Variants in PABPC4L observed in about 807,000 individuals in gnomAD.
PABPC4L encodes the protein polyadenylate-binding protein 4-like.
For missense variants in PABPC4L, 452 were observed against 451.4 expected, an observed-to-expected ratio of 1.00 and a Z score of -0.01; for synonymous variants, 169 against 164.1, an observed-to-expected ratio of 1.03 and a Z score of -0.23.
At chr4:134,107,682 A>C in the PABPC4L span, among the ~76,000 whole-genome samples, 1 of 151,632 alleles carries the variant, frequency 6.6e-6, no homozygotes, top group African/African-American at 2.4e-5. Flanking sequence ...TTAATCAATA[A>C]TTTACCCAAG....
At chr4:134,177,482 C>A in the PABPC4L span, among the ~76,000 whole-genome samples, 1 of 152,166 alleles carries the variant, frequency 6.6e-6, no homozygotes, top group African/African-American at 2.4e-5. Context: ...CCCAGCAGTC[C>A]CACTTCTGTG....
chr4:134,116,642 G>A, the PABPC4L span, among the ~76,000 whole-genome samples: 2 of 151,428 alleles, frequency 1.3e-5, no homozygotes, highest in African/African-American at 4.8e-5. Flanking sequence ...ACTACTGTTT[G>A]GTGTGAATCA....
the PABPC4L span, among the ~76,000 whole-genome samples, chr4:134,129,706 C>G: frequency 6.6e-6 from 1 of 151,188 alleles, no homozygotes; most frequent in African/African-American, 2.4e-5. Flanking sequence ...GTGACAAAAC[C>G]TATCAAAACC....
At chr4:134,002,580 T>C in the PABPC4L span, among the ~76,000 whole-genome samples, 5 of 152,082 alleles carry the variant, frequency 3.3e-5, no homozygotes, top group South Asian at 4.1e-4. Flanking sequence ...AATTAATAAC[T>C]CAAAAGTTTA....
chr4:134,027,288 T>A, the PABPC4L span, among the ~76,000 whole-genome samples: 1 of 152,092 alleles, frequency 6.6e-6, no homozygotes, highest in Admixed American at 6.6e-5. Context: ...GATGGCAGGA[T>A]GGCAGGATGG....
the PABPC4L span, among the ~76,000 whole-genome samples, chr4:134,002,888 T>C: frequency 4.6e-5 from 7 of 152,068 alleles, no homozygotes; most frequent in African/African-American, 1.4e-4. Flanking sequence ...CTTCTGGGTA[T>C]AGCTTGGCAA....
the PABPC4L span, among the ~76,000 whole-genome samples, chr4:134,062,382 A>G: frequency 6.6e-6 from 1 of 152,022 alleles, no homozygotes; most frequent in Non-Finnish European, 1.5e-5. Flanking sequence ...GACCTGCCAA[A>G]AGGTTGCAAA....
chr4:134,054,144 A>G, the PABPC4L span, among the ~76,000 whole-genome samples: 1 of 150,910 alleles, frequency 6.6e-6, no homozygotes, highest in East Asian at 1.9e-4. Flanking sequence ...ATAAATTAAC[A>G]AGCTTAATTT....
chr4:134,021,204 G>C, the PABPC4L span, among the ~76,000 whole-genome samples: 1 of 152,090 alleles, frequency 6.6e-6, no homozygotes, highest in Non-Finnish European at 1.5e-5. Flanking sequence ...GTTTATTTAA[G>C]GAAGTAATCT....
the PABPC4L span, among the ~76,000 whole-genome samples, chr4:134,027,760 C>T: frequency 2.6e-5 from 4 of 152,048 alleles, no homozygotes; most frequent in African/African-American, 9.7e-5. Context: ...TCACATTGTA[C>T]TCCATAAGTT....
chr4:134,156,558 A>G, the PABPC4L span, among the ~76,000 whole-genome samples: 1 of 151,924 alleles, frequency 6.6e-6, no homozygotes, highest in East Asian at 1.9e-4. Flanking sequence ...AGATTCTGGA[A>G]AGAGAAACAA....
the PABPC4L span, among the ~76,000 whole-genome samples, chr4:134,100,028 G>A: frequency 1.3e-5 from 2 of 151,622 alleles, no homozygotes; most frequent in African/African-American, 4.8e-5. Flanking sequence ...AGATTGCTGT[G>A]AATGAAATGA....
the PABPC4L span, among the ~76,000 whole-genome samples, chr4:133,999,231 A>C: frequency 6.6e-6 from 1 of 152,038 alleles, no homozygotes; most frequent in African/African-American, 2.4e-5. Flanking sequence ...AAATTTTTAC[A>C]CTTTTCTTTT....
the PABPC4L span, among the ~76,000 whole-genome samples, chr4:134,028,743 A>G: frequency 1.3e-5 from 2 of 152,130 alleles, no homozygotes; most frequent in Admixed American, 6.6e-5. Flanking sequence ...CTAAGGAAGT[A>G]ATAATAATAA....
chr4:134,114,512 C>T, the PABPC4L span, among the ~76,000 whole-genome samples: 2 of 151,826 alleles, frequency 1.3e-5, no homozygotes, highest in East Asian at 1.9e-4. Flanking sequence ...ATTGTACCTC[C>T]GTAATACTCA....
chr4:134,042,099 G>A, the PABPC4L span, among the ~76,000 whole-genome samples: 1 of 152,176 alleles, frequency 6.6e-6, no homozygotes, highest in Admixed American at 6.6e-5. Context: ...ATATTACTGA[G>A]TCATAAGAAA....
At chr4:134,105,628 A>G in the PABPC4L span, among the ~76,000 whole-genome samples, 2 of 151,740 alleles carry the variant, frequency 1.3e-5, no homozygotes, top group Non-Finnish European at 1.5e-5. Flanking sequence ...TACAAATCTT[A>G]AAAACAAAAT....
chr4:133,995,246 T>A, the PABPC4L span, among the ~76,000 whole-genome samples: 1 of 152,184 alleles, frequency 6.6e-6, no homozygotes. Context: ...CCACGTTACC[T>A]TGGTCTCTAC....
At chr4:134,075,831 G>A in the PABPC4L span, among the ~76,000 whole-genome samples, 2 of 151,906 alleles carry the variant, frequency 1.3e-5, no homozygotes, top group Non-Finnish European at 2.9e-5. Flanking sequence ...CTGTCCTCGT[G>A]GGTACTCCTG....
Sources: gnomAD v4.1 joint callset for allele counts (sites outside exome capture counted in the v4.1 genomes callset) on GRCh38, gnomAD v4.1.1 for gene constraint, MANE v1.5 for transcripts, NCBI Gene and HGNC (gene_info 2026-07-23, HGNC 2026-07-21) for gene names.